Variants in PDGFC observed in about 807,000 individuals in gnomAD.
PDGFC encodes platelet-derived growth factor C.
A neutral mutation model predicts 35.5 loss-of-function variants in PDGFC; 12 were observed. That is an observed-to-expected ratio of 0.34 (90% CI 0.22 to 0.55). The LOEUF (loss-of-function observed/expected upper bound fraction) is 0.55. Among genes scored for constraint, PDGFC ranks in the 20% least tolerant of loss-of-function variants. The probability of loss-of-function intolerance (pLI) is 0.91; values close to 1 mark genes in which losing one functional copy is unlikely to be tolerated. For synonymous variants in PDGFC, 159 were observed against 148.8 expected, an observed-to-expected ratio of 1.07 and a Z score of -0.50; for missense variants, 322 against 412.4, an observed-to-expected ratio of 0.78 and a Z score of 1.90.
chr4:156,939,455 AT>A (rs1308590699), intron 1 of PDGFC, among the ~76,000 whole-genome samples: 1 of 152,108 alleles, frequency 6.6e-6, no homozygotes, highest in East Asian at 1.9e-4. Context: ...ATTTTCTCAC[AT>A]AAACCTAAAA....
At chr4:156,945,391 A>G (rs1339345946) in intron 1 of PDGFC, among the ~76,000 whole-genome samples, 1 of 120,980 alleles carries the variant, frequency 8.3e-6, no homozygotes, top group East Asian at 2.4e-4. Context: ...ATATATATAT[A>G]ATCAGTAGGG....
intron 1 of PDGFC, among the ~76,000 whole-genome samples, chr4:156,910,028 T>G (rs1470032775): frequency 6.6e-6 from 1 of 152,030 alleles, no homozygotes; most frequent in Non-Finnish European, 1.5e-5. Flanking sequence ...TCCAAAAGCT[T>G]AGAGACAGTC....
chr4:156,889,429 A>G (rs753417458), intron 1 of PDGFC, among the ~76,000 whole-genome samples: 12 of 152,214 alleles, frequency 7.9e-5, no homozygotes, highest in African/African-American at 2.9e-4. Flanking sequence ...GCCATGACAC[A>G]TGCAGGAAAA....
At chr4:156,836,059 G>A (rs886303967) in intron 2 of PDGFC, 1 of 152,144 alleles carries the variant, frequency 6.6e-6, no homozygotes, top group Admixed American at 6.5e-5. Context: ...TTCTAGGCAA[G>A]ACCGTATTTC....
chr4:156,782,877 G>A lies in PDGFC; in HGVS notation c.496-9984C>T, dbSNP rs76816797. Among the ~76,000 whole-genome samples, 1,031 of 152,192 alleles carry A rather than the reference G, an allele frequency of 6.8e-3. 15 individuals are homozygous for A. The highest frequency in any genetic ancestry group is 0.024 in the African/African-American group (993 of 41,504). On this transcript the variant is annotated intron_variant, in intron 3 of 5. Coordinates refer to ENST00000502773, the MANE Select transcript of PDGFC (RefSeq NM_016205.3). ...GTAGACTATATTATACTCCTGTCAC[G>A]TGCTCACAACAAATGAAGAATATGA...
intron 1 of PDGFC, chr4:156,967,277 T>G (rs1732488882): frequency 6.6e-6 from 1 of 152,118 alleles, no homozygotes; most frequent in South Asian, 2.1e-4. Context: ...AATTTAAATT[T>G]TGTTAGATAC....
At chr4:156,950,273 GCA>G (rs1397977670) in intron 1 of PDGFC, among the ~76,000 whole-genome samples, 1 of 151,814 alleles carries the variant, frequency 6.6e-6, no homozygotes, top group Non-Finnish European at 1.5e-5. Flanking sequence ...GTGACCCTTA[GCA>G]CAGACAAACA....
At chr4:156,884,307 C>T (rs1015733215) in intron 1 of PDGFC, among the ~76,000 whole-genome samples, 3 of 152,158 alleles carry the variant, frequency 2.0e-5, no homozygotes, top group Non-Finnish European at 2.9e-5. Flanking sequence ...AAACAGACCC[C>T]ATATCCAGCC....
At chr4:156,967,455 AG>A (rs1266294189) in intron 1 of PDGFC, 2 of 152,244 alleles carry the variant, frequency 1.3e-5, no homozygotes, top group Non-Finnish European at 2.9e-5. Context: ...GATGTTAATA[AG>A]ACCAACCGTA....
At chr4:156,796,691 A>C (rs1247843548) in intron 3 of PDGFC, among the ~76,000 whole-genome samples, 1 of 151,988 alleles carries the variant, frequency 6.6e-6, no homozygotes, top group East Asian at 1.9e-4. Flanking sequence ...ACTTCCTTTT[A>C]GGCAAAATGG....
intron 2 of PDGFC, among the ~76,000 whole-genome samples, chr4:156,818,423 C>T (rs1243086590): frequency 6.6e-6 from 1 of 151,396 alleles, no homozygotes. Context: ...CGGAGTTGTG[C>T]TCATCACTTC....
chr4:156,777,792 A>C (rs180695462), intron 3 of PDGFC, among the ~76,000 whole-genome samples: 1 of 152,304 alleles, frequency 6.6e-6, no homozygotes, highest in East Asian at 1.9e-4. Context: ...TCATTCAACA[A>C]GCATTTATTT....
chr4:156,871,123 G>T (rs1172985240), intron 1 of PDGFC, among the ~76,000 whole-genome samples: 1 of 152,066 alleles, frequency 6.6e-6, no homozygotes, highest in Non-Finnish European at 1.5e-5. Context: ...CCTATTAACT[G>T]CTCAGTTTAT....
At chr4:156,957,459 C>A (rs1318076588) in intron 1 of PDGFC, among the ~76,000 whole-genome samples, 1 of 151,892 alleles carries the variant, frequency 6.6e-6, no homozygotes, top group Admixed American at 6.6e-5. Flanking sequence ...ATTTTATCAT[C>A]TGGGCCAATT....
Position 156,941,408 on chromosome 4 carries a change from C to A in PDGFC, c.118+29378G>T, listed in dbSNP as rs1426668169. Among the ~76,000 whole-genome samples the A allele has an allele frequency of 3.3e-5, 5 of 152,164 alleles. No homozygotes were observed. In the East Asian group the frequency reaches 5.8e-4, roughly 18 times the overall value. On this transcript the variant is annotated intron_variant, in intron 1 of 5. Transcript: ENST00000502773. Reference sequence around the variant, plus strand: ...ACCATGAAAGGTTATTGCCTCTCCACAAACTTTATTCTGTAATTTTAGACA... The same window carrying A: ...ACCATGAAAGGTTATTGCCTCTCCAAAAACTTTATTCTGTAATTTTAGACA...
intron 3 of PDGFC, among the ~76,000 whole-genome samples, chr4:156,809,832 A>C (rs1731882760): frequency 6.6e-6 from 1 of 152,094 alleles, no homozygotes; most frequent in Non-Finnish European, 1.5e-5. Context: ...AGTTCATTTA[A>C]AATATAAATA....
At chr4:156,777,165 A>G (rs1002147668) in intron 3 of PDGFC, among the ~76,000 whole-genome samples, 11 of 152,158 alleles carry the variant, frequency 7.2e-5, no homozygotes, top group African/African-American at 2.4e-4. Flanking sequence ...TTGAGAGTAC[A>G]TGAAGTTTAC....
intron 2 of PDGFC, among the ~76,000 whole-genome samples, chr4:156,828,967 T>G (rs2111014375): frequency 6.6e-6 from 1 of 152,316 alleles, no homozygotes; most frequent in South Asian, 2.1e-4. Context: ...AATGGGATTC[T>G]GTGGAAACTA....
chr4:156,871,388 A>G (rs903031785), intron 1 of PDGFC, among the ~76,000 whole-genome samples: 3 of 152,160 alleles, frequency 2.0e-5, no homozygotes, highest in Admixed American at 6.6e-5. Flanking sequence ...CAAAAAATTA[A>G]AGCATTATTC....
Sources: allele counts gnomAD v4.1 joint callset (sites outside exome capture counted in the v4.1 genomes callset), GRCh38; gene constraint gnomAD v4.1.1; transcripts MANE v1.5; gene names NCBI Gene and HGNC (gene_info 2026-07-23, HGNC 2026-07-21).